Variants in SPAG16 observed in about 807,000 individuals in gnomAD.
SPAG16 encodes the protein sperm-associated antigen 16 protein.
SPAG16 carries 86 observed loss-of-function variants against 80.4 expected under a neutral mutation model. That is an observed-to-expected ratio of 1.07 (90% CI 0.90 to 1.28). SPAG16 has a LOEUF of 1.28. Among genes scored for constraint, SPAG16 ranks in the 50% most tolerant of loss-of-function variants. The pLI is 0.00. For synonymous variants in SPAG16, 294 were observed against 265.9 expected, an observed-to-expected ratio of 1.11 and a Z score of -1.03; for missense variants, 870 against 765.3, an observed-to-expected ratio of 1.14 and a Z score of -1.61.
chr2:213,722,423 T>C (rs1454894018), intron 10 of SPAG16, among the ~76,000 whole-genome samples: 1 of 152,214 alleles, frequency 6.6e-6, no homozygotes, highest in Non-Finnish European at 1.5e-5. Context: ...GAGGTTTCCC[T>C]AACTACTCTA....
chr2:214,372,470 A>AAAAT (rs1699884652), intron 15 of SPAG16, among the ~76,000 whole-genome samples: 1 of 151,536 alleles, frequency 6.6e-6, no homozygotes, highest in Non-Finnish European at 1.5e-5. Context: ...AAAACAGAAT[A>AAAAT]AAACAAGGAA....
chr2:213,374,223 C>A (rs1287515084), intron 8 of SPAG16, among the ~76,000 whole-genome samples: 2 of 152,142 alleles, frequency 1.3e-5, no homozygotes, highest in Non-Finnish European at 2.9e-5. Flanking sequence ...TTCTTCCCTG[C>A]CTTTATAATC....
chr2:214,343,612 A>G (rs1697860369), intron 15 of SPAG16, among the ~76,000 whole-genome samples: 1 of 152,146 alleles, frequency 6.6e-6, no homozygotes, highest in African/African-American at 2.4e-5. Context: ...TATTATCCCT[A>G]GCAGGTTAGG....
intron 10 of SPAG16, among the ~76,000 whole-genome samples, chr2:213,648,087 T>C (rs941869264): frequency 6.6e-6 from 1 of 152,256 alleles, no homozygotes; most frequent in African/African-American, 2.4e-5. Context: ...TTTGTATTTA[T>C]CTATTCATTA....
intron 10 of SPAG16, among the ~76,000 whole-genome samples, chr2:213,851,864 G>C (rs2105911210): frequency 6.6e-6 from 1 of 152,274 alleles, no homozygotes. Flanking sequence ...AAAAATGAAA[G>C]GACAGTGCTA....
intron 10 of SPAG16, among the ~76,000 whole-genome samples, chr2:213,668,048 C>T (rs1425439310): frequency 3.3e-5 from 5 of 151,994 alleles, no homozygotes; most frequent in African/African-American, 1.2e-4. Flanking sequence ...TCGAGCAATT[C>T]TCCTGCCTCA....
At chr2:213,914,894 C>T (rs1024037889) in intron 11 of SPAG16, among the ~76,000 whole-genome samples, 1 of 151,964 alleles carries the variant, frequency 6.6e-6, no homozygotes, top group Non-Finnish European at 1.5e-5. Flanking sequence ...AGAACTTTGT[C>T]AAACACATAG....
chr2:213,814,770 C>T (rs2072408626), intron 10 of SPAG16, among the ~76,000 whole-genome samples: 1 of 145,142 alleles, frequency 6.9e-6, no homozygotes, highest in African/African-American at 2.5e-5. Context: ...AGCCTGGTGA[C>T]ACAATGAGGC....
At chr2:214,408,881 C>T (rs7557589) in intron 15 of SPAG16, among the ~76,000 whole-genome samples, 1 of 151,866 alleles carries the variant, frequency 6.6e-6, no homozygotes, top group Non-Finnish European at 1.5e-5. Context: ...TATTTCTTCA[C>T]CTACATAGAG....
At chr2:213,817,396 A>G (rs1054949400) in intron 10 of SPAG16, among the ~76,000 whole-genome samples, 4 of 151,678 alleles carry the variant, frequency 2.6e-5, no homozygotes, top group Non-Finnish European at 5.9e-5. Flanking sequence ...GGGAAAGTAA[A>G]TTAGTTTAGC....
intron 10 of SPAG16, among the ~76,000 whole-genome samples, chr2:213,616,181 G>T (rs1473458242): frequency 6.6e-6 from 1 of 152,176 alleles, no homozygotes; most frequent in Non-Finnish European, 1.5e-5. Flanking sequence ...CAAGCCCTCT[G>T]TGCCATTTTT....
intron 10 of SPAG16, among the ~76,000 whole-genome samples, chr2:213,707,829 A>G (rs1486039236): frequency 1.3e-5 from 2 of 152,172 alleles, no homozygotes; most frequent in Non-Finnish European, 2.9e-5. Context: ...CCAAACAGAA[A>G]AGAACAATCT....
chr2:214,042,990 A>C (rs371612459), intron 13 of SPAG16, among the ~76,000 whole-genome samples: 19 of 152,166 alleles, frequency 1.2e-4, no homozygotes, highest in African/African-American at 4.6e-4. Context: ...AATCAGACTT[A>C]TAAGAATCTG....
chr2:213,906,814 T>C (rs778713395), intron 11 of SPAG16, among the ~76,000 whole-genome samples: 12 of 152,158 alleles, frequency 7.9e-5, no homozygotes, highest in Non-Finnish European at 1.6e-4. Flanking sequence ...TATCCATTTG[T>C]GAAGAATAAA....
intron 15 of SPAG16, among the ~76,000 whole-genome samples, chr2:214,228,359 A>G (rs1249219500): frequency 6.6e-6 from 1 of 151,922 alleles, no homozygotes. Flanking sequence ...CAGCTGATCA[A>G]GTAATTTATC....
intron 10 of SPAG16, among the ~76,000 whole-genome samples, chr2:213,794,272 T>G (rs2070882664): frequency 6.6e-6 from 1 of 152,002 alleles, no homozygotes; most frequent in Non-Finnish European, 1.5e-5. Flanking sequence ...TTTCAGCAGT[T>G]TTTTCTGTAT....
intron 10 of SPAG16, among the ~76,000 whole-genome samples, chr2:213,604,043 C>A (rs2061166173): frequency 1.3e-5 from 2 of 152,070 alleles, no homozygotes; most frequent in South Asian, 4.2e-4. Flanking sequence ...AGGCATGCAC[C>A]ACCACACCTG....
intron 9 of SPAG16, among the ~76,000 whole-genome samples, chr2:213,454,218 CA>C (rs1002551953): frequency 1.3e-5 from 2 of 151,824 alleles, no homozygotes; most frequent in Non-Finnish European, 2.9e-5. Flanking sequence ...TAATAGAAAA[CA>C]AAAAAATTAT....
intron 10 of SPAG16, among the ~76,000 whole-genome samples, chr2:213,764,739 A>G (rs914058177): frequency 6.6e-6 from 1 of 152,166 alleles, no homozygotes; most frequent in Non-Finnish European, 1.5e-5. Flanking sequence ...TATGGAAAAG[A>G]TTATGAAACT....
Sources: gnomAD v4.1 joint callset for allele counts (sites outside exome capture counted in the v4.1 genomes callset) on GRCh38, gnomAD v4.1.1 for gene constraint, MANE v1.5 for transcripts, NCBI Gene and HGNC (gene_info 2026-07-23, HGNC 2026-07-21) for gene names.